SCGB2A1: variants seen among roughly 807,000 people sequenced by gnomAD.
SCGB2A1 encodes mammaglobin-B.
In SCGB2A1, 6 loss-of-function variants were observed where a neutral mutation model predicts 9.2. That is an observed-to-expected ratio of 0.66 (90% confidence interval 0.36 to 1.29). The LOEUF is 1.29. SCGB2A1 is among the 50% of genes most tolerant of loss of function. The pLI is 0.03. For synonymous variants in SCGB2A1, 37 were observed against 41.0 expected, an observed-to-expected ratio of 0.90 and a Z score of 0.37; for missense variants, 138 against 116.9, an observed-to-expected ratio of 1.18 and a Z score of -0.83.
chr11:62,213,031 C>CATATATAT (rs1375903167), intron 2 of SCGB2A1, among the ~76,000 whole-genome samples: 1 of 70,970 alleles, frequency 1.4e-5, no homozygotes, highest in Non-Finnish European at 2.6e-5. Context: ...TACATATATA[C>CATATATAT]ACACATATAT....
At chr11:62,211,342 A>ATT (rs5792249) in intron 2 of SCGB2A1, among the ~76,000 whole-genome samples, 34,353 of 151,646 alleles carry the variant, frequency 0.23, 4,002 homozygotes, top group Non-Finnish European at 0.26. Context: ...AAACATTCTT[A>ATT]TTTTTTTTTA....
At chr11:62,210,631 G>C in intron 2 of SCGB2A1, 31 bp downstream of exon 2, 1 of 1,475,402 alleles carries the variant, frequency 6.8e-7, no homozygotes, top group South Asian at 1.5e-5. Flanking sequence ...TGTACCCTTT[G>C]AAAATCACTG....
At position 62,213,106 on chromosome 11, in the gene SCGB2A1, A is replaced by ATATATATATATATTT. The variant is rs67975205; in HGVS notation, c.244-619_244-618insATATATATATATTTT. Among the ~76,000 whole-genome samples, 23 of 116,228 alleles carry ATATATATATATATTT rather than the reference A, an allele frequency of 2.0e-4. 2 individuals carry two copies. The highest frequency in any genetic ancestry group is 4.5e-4 in the African/African-American group (13 of 29,078). 76.3% of individuals were successfully genotyped at this position (116,228 alleles called of 152,430 possible). A position where few individuals can be genotyped will look rare whatever the true frequency, so the allele number is the denominator to read the frequency against. On this transcript the variant is annotated intron_variant, in intron 2 of 2. Coordinates refer to ENST00000244930, the MANE Select transcript of SCGB2A1 (RefSeq NM_002407.3). ...CATATATACACATATATATATATAT[A>ATATATATATATATTT]TTTTTTTTTTTGTAGAGATGGCATT...
At chr11:62,212,978 G>GTACACACA (rs1565121323) in intron 2 of SCGB2A1, among the ~76,000 whole-genome samples, 2 of 147,484 alleles carry the variant, frequency 1.4e-5, no homozygotes, top group African/African-American at 5.0e-5. Flanking sequence ...ACACATATAT[G>GTACACACA]TGCACATATA....
intron 2 of SCGB2A1, among the ~76,000 whole-genome samples, chr11:62,212,566 C>T (rs1944838861): frequency 6.6e-6 from 1 of 151,868 alleles, no homozygotes; most frequent in Non-Finnish European, 1.5e-5. Flanking sequence ...AGCCAGGAGG[C>T]AGAGATTGCA....
At chr11:62,213,597 G>C in intron 2 of SCGB2A1, 129 bp from the exon 3 acceptor site, 1 of 818,196 alleles carries the variant, frequency 1.2e-6, no homozygotes, top group South Asian at 1.7e-5. Flanking sequence ...TGCTGGCTTT[G>C]CTTCCACTGC....
At chr11:62,211,022 C>G (rs1944826765) in intron 2 of SCGB2A1, among the ~76,000 whole-genome samples, 1 of 150,850 alleles carries the variant, frequency 6.6e-6, no homozygotes, top group African/African-American at 2.4e-5. Context: ...CTCCCGGGTT[C>G]AAGAGATTTG....
At position 62,213,843 on chromosome 11, in the gene SCGB2A1, C is replaced by A; in HGVS notation, c.*73C>A. 1 of 1,288,214 alleles carries A rather than the reference C, an allele frequency of 7.8e-7. No individual in the cohort carries two copies. Among genetic ancestry groups the A allele is most frequent in the East Asian group, 2.3e-5 (1 of 42,710 alleles). 79.8% of individuals were successfully genotyped at this position (1,288,214 alleles called of 1,614,324 possible). The stretch of plus-strand genomic sequence containing the variant: ...CTCATCTGTTGATTGCTAGAAACCA[C>A]TTTTCTTTCTTGTGTTGTCTTTTTA... On this transcript the variant is annotated 3_prime_UTR_variant, in exon 3 of 3. Coordinates refer to ENST00000244930, the MANE Select transcript of SCGB2A1 (RefSeq NM_002407.3).
chr11:62,213,827 T>C lies in SCGB2A1; in HGVS notation c.*57T>C, dbSNP rs989075813. 2 of 1,453,886 alleles carry C rather than the reference T, an allele frequency of 1.4e-6. No homozygotes were observed. 90.1% of individuals were successfully genotyped at this position (1,453,886 alleles called of 1,614,324 possible). On this transcript the variant is annotated 3_prime_UTR_variant, in exon 3 of 3. Transcript: ENST00000244930. ...CAGACTATGGCCAGAACTCATCTGT[T>C]GATTGCTAGAAACCACTTTTCTTTC...
intron 2 of SCGB2A1, 72 bp downstream of exon 2, chr11:62,210,672 C>G: frequency 8.7e-7 from 1 of 1,151,878 alleles, no homozygotes; most frequent in Non-Finnish European, 1.2e-6. Context: ...AATTTGGCAC[C>G]AAGAATGCCA....
rs1275288053 is a variant in SCGB2A1, at chr11:62,213,104, A to ATT, written c.244-621_244-620insTT. ...CACATATATACACATATATATATAT[A>ATT]TATTTTTTTTTTTGTAGAGATGGCA... is the stretch of plus-strand genomic sequence containing the variant. On this transcript the variant is annotated intron_variant, in intron 2 of 2. Coordinates refer to ENST00000244930, the MANE Select transcript of SCGB2A1 (RefSeq NM_002407.3). Among the ~76,000 whole-genome samples the ATT allele has an allele frequency of 2.5e-3, 87 of 35,352 alleles. 3 individuals carry two copies. The highest frequency in any genetic ancestry group is 3.9e-3 in the African/African-American group (71 of 18,194). 23.2% of individuals were successfully genotyped at this position (35,352 alleles called of 152,430 possible).
At chr11:62,210,722 T>A in intron 2 of SCGB2A1, 122 bp downstream of exon 2, 1 of 704,258 alleles carries the variant, frequency 1.4e-6, no homozygotes, top group Non-Finnish European at 2.2e-6. Context: ...ATCAATTCAT[T>A]AAACTTTGTC....
At chr11:62,212,397 G>A (rs1406476723) in intron 2 of SCGB2A1, among the ~76,000 whole-genome samples, 1 of 151,696 alleles carries the variant, frequency 6.6e-6, no homozygotes, top group African/African-American at 2.4e-5. Flanking sequence ...CACTTTAGGA[G>A]GCCAAGGCGG....
chr11:62,211,663 G>C lies in SCGB2A1; in HGVS notation c.243+1063G>C, dbSNP rs544197911. 1.7e-4 allele frequency among the ~76,000 whole-genome samples: 26 copies of C among 152,126 alleles called. No homozygotes were observed. The South Asian group carries it at 5.4e-3, about 32-fold the overall frequency. On this transcript the variant is annotated intron_variant, in intron 2 of 2. Transcript: ENST00000244930. ...GATCTGCCCGCCTCGGCCTCCCAAA[G>C]TGCTGGGATTACAGGTGTGAGCCAC...
At chr11:62,213,077 T>TACAC (rs1175944151) in intron 2 of SCGB2A1, among the ~76,000 whole-genome samples, 2 of 42,240 alleles carry the variant, frequency 4.7e-5, no homozygotes, top group Admixed American at 3.7e-4. Context: ...TATACATATA[T>TACAC]ACACATATAT....
chr11:62,210,055 C>T (rs1313750435), intron 1 of SCGB2A1, among the ~76,000 whole-genome samples: 1 of 152,122 alleles, frequency 6.6e-6, no homozygotes, highest in Non-Finnish European at 1.5e-5. Context: ...TCCTTGGAAA[C>T]CCTACCTGAT....
intron 1 of SCGB2A1, among the ~76,000 whole-genome samples, chr11:62,209,102 G>T (rs989785747): frequency 6.6e-6 from 1 of 152,052 alleles, no homozygotes; most frequent in Non-Finnish European, 1.5e-5. Flanking sequence ...AGGGAGAGAT[G>T]GCATCTACAC....
intron 2 of SCGB2A1, among the ~76,000 whole-genome samples, chr11:62,213,116 T>TTTTTTTTTGTAGAGATGGCA (rs1590656027): frequency 8.1e-6 from 1 of 123,924 alleles, no homozygotes; most frequent in Non-Finnish European, 1.8e-5. Flanking sequence ...ATTTTTTTTT[T>TTTTTTTTTGTAGAGATGGCA]TGTAGAGATG....
rs971308438 is a variant in SCGB2A1 at position 62,212,199 on chromosome 11, A to AT, written c.244-1517dup. Among the ~76,000 whole-genome samples, 25 of 148,764 alleles carry AT rather than the reference A, an allele frequency of 1.7e-4. 1 individual carries two copies. The highest frequency in any genetic ancestry group is 7.0e-3 in the Middle Eastern group (2 of 284). ...CAGCCTCCCAAAGTGCTGGGATTAC[A>AT]TTTTTTTTTTAAGAATTTATTTAAT... is the stretch of plus-strand genomic sequence containing the variant. On this transcript the variant is annotated intron_variant, in intron 2 of 2. Transcript: ENST00000244930.
Sources: allele counts gnomAD v4.1 joint callset (sites outside exome capture counted in the v4.1 genomes callset), GRCh38; gene constraint gnomAD v4.1.1; transcripts MANE v1.5; gene names NCBI Gene and HGNC (gene_info 2026-07-23, HGNC 2026-07-21).